The following CA1 variants were observed in gnomAD, a reference collection of about 807,000 sequenced individuals.
The protein encoded by CA1 is carbonic anhydrase 1, also known as carbonate dehydratase I.
A neutral mutation model predicts 28.8 loss-of-function variants in CA1; 27 were observed. The ratio of observed to expected loss-of-function variants is 0.94; its 90% CI spans 0.69 to 1.29. The LOEUF is 1.29. CA1 is among the 50% of genes most tolerant of loss of function. The pLI is 0.00. For synonymous variants in CA1, 121 were observed against 108.8 expected, an observed-to-expected ratio of 1.11 and a Z score of -0.70; for missense variants, 335 against 310.5, an observed-to-expected ratio of 1.08 and a Z score of -0.59.
rs749538013 is a variant in CA1 at position 85,328,277 on chromosome 8, A to G, written c.*283T>C. Reference sequence around the variant, plus strand: ...GGTTCAAATAAACTGAAAAAAATAGACATACAAATCACTTAGTTGTAATTT... The same window carrying G: ...GGTTCAAATAAACTGAAAAAAATAGGCATACAAATCACTTAGTTGTAATTT... On this transcript the variant is annotated 3_prime_UTR_variant, in exon 8 of 8. Transcript: ENST00000523022. 3 of 228,542 alleles carry G rather than the reference A, an allele frequency of 1.3e-5. No individual in the cohort carries two copies. The highest frequency in any genetic ancestry group is 2.6e-5 in the Non-Finnish European group (3 of 117,568). 14.2% of individuals were successfully genotyped at this position (228,542 alleles called of 1,614,324 possible). A position where few individuals can be genotyped will look rare whatever the true frequency, so the allele number is the denominator to read the frequency against.
chr8:85,362,237 A>G (rs1809826385), intron 1 of CA1, among the ~76,000 whole-genome samples: 1 of 152,168 alleles, frequency 6.6e-6, no homozygotes, highest in Non-Finnish European at 1.5e-5. Flanking sequence ...TTCTTATAAG[A>G]ATCTTTGTGA....
chr8:85,358,218 AGAACACTCCTCCTCTG>A (rs1165826960), intron 1 of CA1, among the ~76,000 whole-genome samples: 1 of 152,170 alleles, frequency 6.6e-6, no homozygotes, highest in East Asian at 1.9e-4. Context: ...AGGTATGGCC[AGAACACTCCTCCTCTG>A]TGACACCTCG....
intron 4 of CA1, among the ~76,000 whole-genome samples, chr8:85,335,320 C>T (rs1351243525): frequency 6.6e-6 from 1 of 152,100 alleles, no homozygotes; most frequent in Non-Finnish European, 1.5e-5. Context: ...CATTATTCAG[C>T]ACATGCAACA....
intron 1 of CA1, chr8:85,351,673 G>A (rs1233518709): frequency 2.0e-5 from 3 of 152,244 alleles, no homozygotes; most frequent in Non-Finnish European, 2.9e-5. Flanking sequence ...GCAGGTGTCC[G>A]GCCTAAAGCA....
intron 1 of CA1, among the ~76,000 whole-genome samples, chr8:85,348,305 C>G (rs1809280072): frequency 6.6e-6 from 1 of 152,024 alleles, no homozygotes; most frequent in Non-Finnish European, 1.5e-5. Context: ...ATGCTAAATA[C>G]AGGGTGGTGA....
In CA1 at chr8:85,373,670, C is replaced by G. The variant is rs111895851; in HGVS notation, c.-25+4376G>C. ...AACATAGTGTTTATAGGGTTCGGTACTAGCCATGGTTTCAGGTATTGTCTT... is the reference window on the plus strand; with the variant it reads ...AACATAGTGTTTATAGGGTTCGGTAGTAGCCATGGTTTCAGGTATTGTCTT... On this transcript the variant is annotated intron_variant, in intron 1 of 7. Coordinates refer to ENST00000523022, the MANE Select transcript of CA1 (RefSeq NM_001128831.4). Among the ~76,000 whole-genome samples, 672 of 152,178 alleles carry G rather than the reference C, an allele frequency of 4.4e-3. 6 individuals carry two copies. The highest frequency in any genetic ancestry group is 0.015 in the African/African-American group (633 of 41,516).
intron 1 of CA1, among the ~76,000 whole-genome samples, chr8:85,365,039 G>A (rs1323336898): frequency 6.6e-6 from 1 of 152,192 alleles, no homozygotes; most frequent in Non-Finnish European, 1.5e-5. Context: ...GGAGGTGGGT[G>A]GTCAGATGGG....
chr8:85,348,570 G>A (rs2130272387), intron 1 of CA1, among the ~76,000 whole-genome samples: 2 of 152,256 alleles, frequency 1.3e-5, no homozygotes, highest in African/African-American at 4.8e-5. Flanking sequence ...ACATTATAGA[G>A]GTCCTCTTTA....
chr8:85,375,018 T>A (rs1810358304), intron 1 of CA1, among the ~76,000 whole-genome samples: 2 of 152,228 alleles, frequency 1.3e-5, no homozygotes, highest in Admixed American at 1.3e-4. Flanking sequence ...GTTGACTGAT[T>A]GTGGTTAAAT....
At chr8:85,340,018 G>A (rs2130204183) in intron 2 of CA1, among the ~76,000 whole-genome samples, 1 of 152,322 alleles carries the variant, frequency 6.6e-6, no homozygotes, top group East Asian at 1.9e-4. Flanking sequence ...TGATACAGAA[G>A]CCGCAGACAG....
intron 1 of CA1, among the ~76,000 whole-genome samples, chr8:85,363,703 A>G (rs1158591661): frequency 2.0e-5 from 3 of 152,046 alleles, no homozygotes; most frequent in African/African-American, 7.2e-5. Flanking sequence ...GCTGACATCA[A>G]ATCACATCCT....
rs1450968176 is a variant in CA1 at position 85,344,265 on chromosome 8, TAA to T, written c.-24-2608_-24-2607del. ...ATAATTATATATTATATACAGTATA[TAA>T]TATATAATTATATATTATATACAGT... is the stretch of plus-strand genomic sequence containing the variant. On this transcript the variant is annotated intron_variant, in intron 1 of 7. Coordinates refer to ENST00000523022, the MANE Select transcript of CA1 (RefSeq NM_001128831.4). 1.3e-3 allele frequency among the ~76,000 whole-genome samples: 88 copies of T among 68,832 alleles called. 3 individuals are homozygous for T. The East Asian group carries it at 0.019, about 15-fold the overall frequency. 45.2% of individuals were successfully genotyped at this position (68,832 alleles called of 152,430 possible). A position where few individuals can be genotyped will look rare whatever the true frequency, so the allele number is the denominator to read the frequency against.
chr8:85,344,081 GTA>G (rs56308220), intron 1 of CA1, among the ~76,000 whole-genome samples: 159 of 128,566 alleles, frequency 1.2e-3, no homozygotes, highest in African/African-American at 4.1e-3. Context: ...TAAACTAAAA[GTA>G]TATATATATA....
chr8:85,351,666 G>A (rs909711978), intron 1 of CA1: 3 of 152,202 alleles, frequency 2.0e-5, no homozygotes, highest in Non-Finnish European at 4.4e-5. Context: ...TGACAGGGCA[G>A]GTGTCCGGCC....
At chr8:85,344,838 A>G (rs1327177378) in intron 1 of CA1, among the ~76,000 whole-genome samples, 1 of 152,234 alleles carries the variant, frequency 6.6e-6, no homozygotes, top group African/African-American at 2.4e-5. Context: ...TTCCACAACA[A>G]TAAGTGGCTT....
At chr8:85,345,217 A>G (rs924552640) in intron 1 of CA1, among the ~76,000 whole-genome samples, 8 of 152,148 alleles carry the variant, frequency 5.3e-5, no homozygotes, top group African/African-American at 1.4e-4. Context: ...GTCTCCATCC[A>G]TACCGAGCTT....
chr8:85,369,867 A>G (rs1810153113), intron 1 of CA1, among the ~76,000 whole-genome samples: 1 of 152,224 alleles, frequency 6.6e-6, no homozygotes, highest in African/African-American at 2.4e-5. Context: ...AGAAACTGTT[A>G]TAGTCCTGGA....
intron 1 of CA1, among the ~76,000 whole-genome samples, chr8:85,361,236 T>A (rs1025372324): frequency 6.6e-6 from 1 of 152,104 alleles, no homozygotes; most frequent in Non-Finnish European, 1.5e-5. Flanking sequence ...ATCGATCTCT[T>A]TAAGGAAAGA....
chr8:85,362,760 T>C (rs968300330), intron 1 of CA1, among the ~76,000 whole-genome samples: 2 of 152,338 alleles, frequency 1.3e-5, no homozygotes, highest in African/African-American at 2.4e-5. Context: ...TATCATTCAA[T>C]TGGCTGTAGT....
Sources: gnomAD v4.1 joint callset for allele counts (sites outside exome capture counted in the v4.1 genomes callset) on GRCh38, gnomAD v4.1.1 for gene constraint, MANE v1.5 for transcripts, NCBI Gene and HGNC (gene_info 2026-07-23, HGNC 2026-07-21) for gene names.